Variants in OVCH1 observed in about 807,000 individuals in gnomAD.
OVCH1 encodes ovochymase 1, also known as ovochymase-1.
OVCH1 carries 139 observed loss-of-function variants against 138.4 expected under a neutral mutation model. The observed-to-expected ratio is 1.00, with a 90% confidence interval of 0.87 to 1.16. The LOEUF is 1.16. Among genes scored for constraint, OVCH1 ranks in the 50% most tolerant of loss-of-function variants. OVCH1 has a pLI of 0.00. For synonymous variants in OVCH1, 453 were observed against 467.8 expected (o/e 0.97, Z 0.41); for missense variants, 1,367 against 1,357.9 (o/e 1.01, Z -0.11).
intron 16 of OVCH1, among the ~76,000 whole-genome samples, chr12:29,469,546 G>A (rs890323122): frequency 3.3e-5 from 5 of 152,056 alleles, no homozygotes; most frequent in Non-Finnish European, 5.9e-5. Context: ...AAAGACCCAT[G>A]AGGCTGGCCT....
chr12:29,457,387 A>ATTTTTTT (rs57856732), intron 19 of OVCH1, among the ~76,000 whole-genome samples: 2 of 68,818 alleles, frequency 2.9e-5, no homozygotes, highest in African/African-American at 1.2e-4. Context: ...AAACAAATGA[A>ATTTTTTT]TTTTTTTTTT....
At chr12:29,488,560 C>T (rs1032334511) in intron 6 of OVCH1, among the ~76,000 whole-genome samples, 3 of 144,378 alleles carry the variant, frequency 2.1e-5, no homozygotes, top group African/African-American at 5.3e-5. Flanking sequence ...CAGAGGTTGC[C>T]GTGAGCCAAG....
At chr12:29,434,719 A>C (rs1941327863) in intron 26 of OVCH1, among the ~76,000 whole-genome samples, 2 of 152,052 alleles carry the variant, frequency 1.3e-5, no homozygotes, top group South Asian at 2.1e-4. Flanking sequence ...CCAACAACAA[A>C]AAAAAACCTT....
At chr12:29,461,891 G>A in exon 19 of OVCH1, 1 of 1,613,862 alleles carries the variant, frequency 6.2e-7, no homozygotes, top group Non-Finnish European at 8.5e-7. Context: ...TGCAAAGCCA[G>A]CACAGATCAT....
chr12:29,403,238 G>T, the OVCH1 span, among the ~76,000 whole-genome samples: 1 of 152,136 alleles, frequency 6.6e-6, no homozygotes, highest in East Asian at 1.9e-4. Context: ...AGAAATGGCA[G>T]CTTAATAATT....
chr12:29,458,446 A>C (rs1044297924), intron 19 of OVCH1, among the ~76,000 whole-genome samples: 2 of 152,132 alleles, frequency 1.3e-5, no homozygotes, highest in African/African-American at 4.8e-5. Flanking sequence ...TCCTTAATAC[A>C]GAAGAATGAA....
At chr12:29,406,682 C>A in the OVCH1 span, among the ~76,000 whole-genome samples, 2 of 147,404 alleles carry the variant, frequency 1.4e-5, no homozygotes, top group Non-Finnish European at 3.0e-5. Context: ...ATATGTGCCA[C>A]ATTTTCTTAA....
chr12:29,497,615 A>C lies in OVCH1; in HGVS notation c.64+8T>G. ...CCGCAGTCCTGGTGCCCAGGTCCCTAGGCTCACCTAGGCTTCTGGGGTGGC... is the reference window on the plus strand; with the variant it reads ...CCGCAGTCCTGGTGCCCAGGTCCCTCGGCTCACCTAGGCTTCTGGGGTGGC... On this transcript the variant is annotated splice_region_variant and intron_variant, in intron 1 of 27. Transcript: ENST00000318184. 1 of 1,613,566 alleles carries C rather than the reference A, an allele frequency of 6.2e-7. No homozygotes were observed. Among genetic ancestry groups the C allele is most frequent in the Non-Finnish European group, 8.5e-7 (1 of 1,179,714 alleles).
chr12:29,459,863 C>T (rs1942074229), intron 19 of OVCH1, among the ~76,000 whole-genome samples: 1 of 152,164 alleles, frequency 6.6e-6, no homozygotes, highest in South Asian at 2.1e-4. Context: ...CTGAAAACCC[C>T]ATGTCTCTGC....
At chr12:29,460,450 CG>C (rs2135968250) in intron 19 of OVCH1, among the ~76,000 whole-genome samples, 1 of 152,148 alleles carries the variant, frequency 6.6e-6, no homozygotes, top group Non-Finnish European at 1.5e-5. Context: ...GTGCACTTTC[CG>C]TATTCCTCAC....
chr12:29,426,425 T>A (rs1210940617), downstream of OVCH1, among the ~76,000 whole-genome samples: 3 of 152,174 alleles, frequency 2.0e-5, no homozygotes, highest in South Asian at 2.1e-4. Flanking sequence ...GGAGAAAGGA[T>A]AACTAAATTA....
intron 19 of OVCH1, among the ~76,000 whole-genome samples, chr12:29,461,444 C>G (rs551026167): frequency 6.6e-6 from 1 of 152,306 alleles, no homozygotes; most frequent in East Asian, 1.9e-4. Flanking sequence ...AGTGAGAGTA[C>G]AGAGATTAAT....
chr12:29,475,174 A>G, exon 14 of OVCH1: 1 of 1,491,874 alleles, frequency 6.7e-7, no homozygotes, highest in Non-Finnish European at 8.9e-7. Flanking sequence ...GATGGTCAAC[A>G]TTCCACAAAG....
intron 4 of OVCH1, 73 bp downstream of exon 4, chr12:29,495,212 A>T: frequency 7.2e-7 from 1 of 1,387,754 alleles, no homozygotes; most frequent in East Asian, 2.3e-5. Flanking sequence ...CCACACAGAC[A>T]TTAAAGTTAA....
intron 16 of OVCH1, among the ~76,000 whole-genome samples, chr12:29,466,389 A>G (rs1942323402): frequency 7.1e-6 from 1 of 141,248 alleles, no homozygotes; most frequent in African/African-American, 3.2e-5. Flanking sequence ...AATATGTTTA[A>G]AAAATTATAT....
intron 3 of OVCH1, among the ~76,000 whole-genome samples, chr12:29,413,036 T>TTTC (rs1940981216): frequency 6.6e-6 from 1 of 152,070 alleles, no homozygotes; most frequent in Admixed American, 6.5e-5. Context: ...TTTTTTTTTT[T>TTTC]TTTCTTTTGG....
chr12:29,470,825 A>T (rs2136004343), intron 16 of OVCH1, among the ~76,000 whole-genome samples: 1 of 152,292 alleles, frequency 6.6e-6, no homozygotes, highest in South Asian at 2.1e-4. Context: ...ACTAATTTAC[A>T]TTCCCACCAA....
chr12:29,435,737 A>T (rs548011843), intron 26 of OVCH1, among the ~76,000 whole-genome samples: 1 of 152,274 alleles, frequency 6.6e-6, no homozygotes, highest in East Asian at 1.9e-4. Context: ...ACCCCTCAGA[A>T]GATGATGTAA....
At chr12:29,486,869 T>A (rs1171763920) in intron 7 of OVCH1, 1 of 455,118 alleles carries the variant, frequency 2.2e-6, no homozygotes, top group Non-Finnish European at 4.4e-6. Flanking sequence ...TTAAACCTTG[T>A]CAACTTTCCC....
Sources: gnomAD v4.1 joint callset for allele counts (sites outside exome capture counted in the v4.1 genomes callset) on GRCh38, gnomAD v4.1.1 for gene constraint, MANE v1.5 for transcripts, NCBI Gene and HGNC (gene_info 2026-07-23, HGNC 2026-07-21) for gene names.